NPHP4: variants seen among roughly 807,000 people sequenced by gnomAD.
The protein encoded by NPHP4 is nephrocystin-4.
In NPHP4, 151 loss-of-function variants were observed where a neutral mutation model predicts 155.8. The ratio of observed to expected loss-of-function variants is 0.97; its 90% CI spans 0.85 to 1.11. The LOEUF is 1.11. Ranked by LOEUF, NPHP4 falls within the 50% of genes least tolerant of loss-of-function variation. The pLI is 0.00. For synonymous variants in NPHP4, 845 were observed against 816.8 expected, an observed-to-expected ratio of 1.03 and a Z score of -0.59; for missense variants, 1,956 against 1,925.7, an observed-to-expected ratio of 1.02 and a Z score of -0.29.
intron 2 of NPHP4, among the ~76,000 whole-genome samples, chr1:5,983,747 A>G (rs568489739): frequency 3.1e-4 from 47 of 152,330 alleles, no homozygotes; most frequent in African/African-American, 7.9e-4. Flanking sequence ...AGAGATTGTT[A>G]CGTTTCCTTG....
At chr1:5,918,749 T>C (rs898687021) in intron 11 of NPHP4, among the ~76,000 whole-genome samples, 3 of 152,204 alleles carry the variant, frequency 2.0e-5, no homozygotes, top group African/African-American at 7.2e-5. Context: ...TAGAGGAAAT[T>C]GGCCATTTTT....
chr1:5,978,437 C>A, intron 2 of NPHP4, 24 bp from the exon 3 acceptor site: 4 of 1,590,090 alleles, frequency 2.5e-6, no homozygotes, highest in Non-Finnish European at 3.4e-6. Flanking sequence ...GGGAATTGAC[C>A]CTCAAGAGTC....
chr1:5,981,321 C>T (rs1226989122), intron 2 of NPHP4, among the ~76,000 whole-genome samples: 1 of 152,176 alleles, frequency 6.6e-6, no homozygotes, highest in Non-Finnish European at 1.5e-5. Flanking sequence ...AAATAAGAAT[C>T]CACTGAGAGC....
chr1:5,887,211 G>T, intron 18 of NPHP4, 75 bp downstream of exon 18: 1 of 1,388,758 alleles, frequency 7.2e-7, no homozygotes, highest in Non-Finnish European at 9.8e-7. Context: ...TGTGGCCCCT[G>T]CCCGAGGGAG....
chr1:5,977,875 G>A (rs61760761), intron 3 of NPHP4, among the ~76,000 whole-genome samples: 1,154 of 84,036 alleles, frequency 0.014, 88 homozygotes, highest in Middle Eastern at 0.048. Flanking sequence ...ACGGTGAAAG[G>A]GAAAGGGAGG....
intron 17 of NPHP4, among the ~76,000 whole-genome samples, chr1:5,888,826 ACC>A (rs1038786732): frequency 4.6e-5 from 7 of 151,998 alleles, no homozygotes; most frequent in Non-Finnish European, 1.5e-5. Context: ...TTCGGGCCAA[ACC>A]CCCATCTGGC....
intron 3 of NPHP4, among the ~76,000 whole-genome samples, chr1:5,969,612 C>G (rs1652194525): frequency 6.6e-6 from 1 of 152,198 alleles, no homozygotes; most frequent in African/African-American, 2.4e-5. Flanking sequence ...GCTAGAGCAG[C>G]TATGCACCCA....
At chr1:5,909,963 T>A (rs1425658216) in intron 11 of NPHP4, among the ~76,000 whole-genome samples, 1 of 152,154 alleles carries the variant, frequency 6.6e-6, no homozygotes, top group Non-Finnish European at 1.5e-5. Flanking sequence ...CATGGACACC[T>A]CATGGCCCAG....
chr1:5,977,717 G>A (rs966859131), intron 3 of NPHP4, among the ~76,000 whole-genome samples: 8 of 149,826 alleles, frequency 5.3e-5, no homozygotes, highest in South Asian at 2.2e-4. Context: ...GTGAAAACAC[G>A]CTGCTCAACC....
At chr1:5,964,488 C>T (rs1447673290) in intron 5 of NPHP4, among the ~76,000 whole-genome samples, 1 of 152,078 alleles carries the variant, frequency 6.6e-6, no homozygotes, top group African/African-American at 2.4e-5. Flanking sequence ...ATGCTAAAGA[C>T]CATTCTCCAA....
intron 23 of NPHP4, among the ~76,000 whole-genome samples, chr1:5,870,359 T>G (rs1557603631): frequency 6.6e-6 from 1 of 152,196 alleles, no homozygotes; most frequent in Non-Finnish European, 1.5e-5. Context: ...AATTCATTGT[T>G]CATAAGGATA....
At chr1:5,954,564 T>A (rs1463846333) in intron 6 of NPHP4, among the ~76,000 whole-genome samples, 3 of 152,312 alleles carry the variant, frequency 2.0e-5, no homozygotes, top group African/African-American at 7.2e-5. Context: ...CTGACTGATT[T>A]TTAAAGAGGT....
At chr1:5,906,057 C>A (rs894440041) in intron 13 of NPHP4, among the ~76,000 whole-genome samples, 1 of 152,198 alleles carries the variant, frequency 6.6e-6, no homozygotes, top group African/African-American at 2.4e-5. Context: ...CTATATTTCA[C>A]GTGGCAATCC....
chr1:5,963,116 T>C (rs1003091875), intron 5 of NPHP4, among the ~76,000 whole-genome samples: 2 of 152,186 alleles, frequency 1.3e-5, no homozygotes, highest in South Asian at 4.1e-4. Flanking sequence ...AAAAAGAAAT[T>C]TGTGAAAAAC....
At chr1:5,939,450 T>G (rs12126123) in intron 9 of NPHP4, among the ~76,000 whole-genome samples, 1 of 151,976 alleles carries the variant, frequency 6.6e-6, no homozygotes, top group Non-Finnish European at 1.5e-5. Flanking sequence ...GCGGCTGGCA[T>G]GTGGGCACTG....
intron 10 of NPHP4, 35 bp downstream of exon 10, chr1:5,933,112 C>T: frequency 7.0e-7 from 1 of 1,436,824 alleles, no homozygotes; most frequent in Non-Finnish European, 9.4e-7. Context: ...GCTAGAAGCT[C>T]ACCGGAGATG....
At chr1:5,938,764 A>G (rs1160712161) in intron 9 of NPHP4, among the ~76,000 whole-genome samples, 1 of 152,264 alleles carries the variant, frequency 6.6e-6, no homozygotes, top group African/African-American at 2.4e-5. Context: ...ATGTGAAAAT[A>G]AAATGTAAAA....
At chr1:5,958,424 A>G (rs1300217469) in intron 6 of NPHP4, among the ~76,000 whole-genome samples, 2 of 152,128 alleles carry the variant, frequency 1.3e-5, no homozygotes, top group African/African-American at 2.4e-5. Flanking sequence ...GCCAGGCGCC[A>G]TGGCTCACAC....
At chr1:5,991,090 G>A (rs1290679322) in intron 1 of NPHP4, among the ~76,000 whole-genome samples, 1 of 151,686 alleles carries the variant, frequency 6.6e-6, no homozygotes, top group Non-Finnish European at 1.5e-5. Flanking sequence ...GCGCTGTCAG[G>A]GTCCGGGAAG....
Sources: gnomAD v4.1 joint callset for allele counts (sites outside exome capture counted in the v4.1 genomes callset) on GRCh38, gnomAD v4.1.1 for gene constraint, MANE v1.5 for transcripts, NCBI Gene and HGNC (gene_info 2026-07-23, HGNC 2026-07-21) for gene names.